The following MYLK4 variants were observed in gnomAD, a reference collection of about 807,000 sequenced individuals.
The protein encoded by MYLK4 is caMLCK like.
In MYLK4, 46 loss-of-function variants were observed where a neutral mutation model predicts 48.1. The observed-to-expected ratio is 0.96, with a 90% confidence interval of 0.75 to 1.22. The LOEUF is 1.22. MYLK4 is among the 50% of genes most tolerant of loss of function. The probability of loss-of-function intolerance (pLI) is 0.00; values close to 1 mark genes in which losing one functional copy is unlikely to be tolerated. For synonymous variants in MYLK4, 170 were observed against 180.8 expected (o/e 0.94, Z 0.48); for missense variants, 451 against 486.1 (o/e 0.93, Z 0.68).
At chr6:2,678,162 AG>A in intron 10 of MYLK4, 57 bp downstream of exon 10, 1 of 1,578,502 alleles carries the variant, frequency 6.3e-7, no homozygotes, top group Non-Finnish European at 8.6e-7. Context: ...CCCTGGTGGT[AG>A]GCCCTGCTTC....
At position 2,675,036 on chromosome 6, in the gene MYLK4, G is replaced by A. The variant is rs1488257930; in HGVS notation, c.1119+11C>T. 23 of 1,606,176 alleles carry A rather than the reference G, an allele frequency of 1.4e-5. No individual in the cohort carries two copies. Among genetic ancestry groups the A allele is most frequent in the Non-Finnish European group, 1.9e-5 (22 of 1,172,802 alleles). ...AGGAGAAAAAGAGGAAGAGCAAGAAGCCGTGGTCACCTGGGCATTGAGTCT... is the reference window on the plus strand; with the variant it reads ...AGGAGAAAAAGAGGAAGAGCAAGAAACCGTGGTCACCTGGGCATTGAGTCT... On this transcript the variant is annotated intron_variant, in intron 11 of 12. Coordinates refer to ENST00000274643, the MANE Select transcript of MYLK4 (RefSeq NM_001012418.5).
In MYLK4 at chr6:2,686,714, G is replaced by T. The variant is rs574179118; in HGVS notation, c.342-1138C>A. On this transcript the variant is annotated intron_variant, in intron 4 of 12. Transcript: ENST00000274643. ...GGCCGCTGCATCCTACTGTGGGGCT[G>T]CACACCCAGCACAGAGGCAGATGAA... Among the ~76,000 whole-genome samples, 272 of 152,316 alleles carry T rather than the reference G, an allele frequency of 1.8e-3. 1 individual carries two copies. The highest frequency in any genetic ancestry group is 3.1e-3 in the Non-Finnish European group (211 of 68,032).
intron 2 of MYLK4, among the ~76,000 whole-genome samples, chr6:2,738,523 T>C (rs1002597341): frequency 1.3e-5 from 2 of 152,238 alleles, no homozygotes; most frequent in Admixed American, 1.3e-4. Flanking sequence ...AGGATTAGCT[T>C]AAAATGCTGG....
At position 2,667,364 on chromosome 6, in the gene MYLK4, T is replaced by G. The variant is rs935923091; in HGVS notation, c.*561A>C. The G allele has an allele frequency of 1.3e-5, 2 of 152,180 alleles. No homozygotes were observed. The highest frequency in any genetic ancestry group is 2.4e-5 in the African/African-American group (1 of 41,442). 9.4% of individuals were successfully genotyped at this position (152,180 alleles called of 1,614,324 possible). A position where few individuals can be genotyped will look rare whatever the true frequency, so the allele number is the denominator to read the frequency against. On this transcript the variant is annotated 3_prime_UTR_variant, in exon 13 of 13. Transcript: ENST00000274643. The stretch of plus-strand genomic sequence containing the variant: ...TCTGTTCCAGCAAACAAATTATTTA[T>G]CCATTGTAGTCACGTGACCACAGAC...
chr6:2,766,102 G>A, the MYLK4 span: 3 of 1,316,872 alleles, frequency 2.3e-6, no homozygotes, highest in Non-Finnish European at 2.9e-6. Context: ...GGGACGAGGC[G>A]GAGGCGCAGG....
chr6:2,746,598 C>T (rs540261368), intron 2 of MYLK4, among the ~76,000 whole-genome samples: 27 of 152,348 alleles, frequency 1.8e-4, no homozygotes, highest in African/African-American at 6.0e-4. Context: ...CAGAACAAAG[C>T]TTTCATGTCA....
chr6:2,685,788 C>T lies in MYLK4; in HGVS notation c.342-212G>A, dbSNP rs867482079. 2.0e-5 allele frequency among the ~76,000 whole-genome samples: 3 copies of T among 152,002 alleles called. No individual in the cohort carries two copies. Among genetic ancestry groups the T allele is most frequent in the Middle Eastern group, 3.2e-3 (1 of 316 alleles). On this transcript the variant is annotated intron_variant, in intron 4 of 12. Transcript: ENST00000274643. This position sits in a 1 kb window ranked among gnomAD's most constrained non-coding sequence, Gnocchi z 4.5. ...TGGGAGCTGTTAAGAAAGCAGGTCT[C>T]GGCCGGGCACGGTGGCTCACACCTG...
At chr6:2,722,286 G>A (rs1391059227) in intron 2 of MYLK4, among the ~76,000 whole-genome samples, 3 of 152,172 alleles carry the variant, frequency 2.0e-5, no homozygotes, top group Non-Finnish European at 4.4e-5. Context: ...AGTATGAGAT[G>A]CGTCTTTCAA....
the MYLK4 span, chr6:2,766,496 C>T: frequency 9.0e-6 from 13 of 1,448,840 alleles, no homozygotes; most frequent in Middle Eastern, 3.6e-4. Flanking sequence ...GCGGTGGATG[C>T]AGCTGATGGT....
chr6:2,768,485 T>C, the MYLK4 span, among the ~76,000 whole-genome samples: 1 of 152,268 alleles, frequency 6.6e-6, no homozygotes, highest in South Asian at 2.1e-4. Flanking sequence ...AAGGTTTAGC[T>C]ACTTTCCTGT....
chr6:2,766,961 T>G, the MYLK4 span, among the ~76,000 whole-genome samples: 1 of 152,256 alleles, frequency 6.6e-6, no homozygotes, highest in South Asian at 2.1e-4. Context: ...ATAAGTTTAT[T>G]TAACATTCTT....
chr6:2,750,254 A>G (rs1764247745), intron 1 of MYLK4, among the ~76,000 whole-genome samples: 1 of 152,194 alleles, frequency 6.6e-6, no homozygotes. Flanking sequence ...TCATCAGAAA[A>G]CTTAATATTT....
intron 11 of MYLK4, among the ~76,000 whole-genome samples, chr6:2,674,646 G>C (rs937533174): frequency 6.6e-6 from 1 of 152,162 alleles, no homozygotes; most frequent in African/African-American, 2.4e-5. Flanking sequence ...GGCCAAGGTG[G>C]GTGGATCACG....
At chr6:2,677,954 A>G (rs1015643126) in intron 10 of MYLK4, among the ~76,000 whole-genome samples, 3 of 152,226 alleles carry the variant, frequency 2.0e-5, no homozygotes, top group Admixed American at 2.0e-4. Context: ...CCATTTTGAC[A>G]GTGAGTCAAC....
At chr6:2,726,241 G>A (rs17135638) in intron 2 of MYLK4, among the ~76,000 whole-genome samples, 6,270 of 152,058 alleles carry the variant, frequency 0.041, 276 homozygotes, top group East Asian at 0.27. Flanking sequence ...CAGCAAAATC[G>A]CAAAAAAGGA....
intron 3 of MYLK4, 116 bp from the exon 4 acceptor site, chr6:2,689,072 A>T: frequency 2.7e-6 from 2 of 746,868 alleles, no homozygotes; most frequent in South Asian, 3.2e-5. Flanking sequence ...ACAAGGAGCC[A>T]TCTGTTTGAT....
intron 7 of MYLK4, 30 bp from the exon 8 acceptor site, chr6:2,680,321 GA>G (rs757493280): frequency 1.2e-6 from 2 of 1,612,814 alleles, no homozygotes; most frequent in Non-Finnish European, 8.5e-7. Flanking sequence ...CATTAGCAAT[GA>G]AAACAACCAT....
chr6:2,701,387 G>C (rs535027109), intron 2 of MYLK4, among the ~76,000 whole-genome samples: 44 of 152,246 alleles, frequency 2.9e-4, no homozygotes, highest in Admixed American at 1.8e-3. Flanking sequence ...GGCTCAGAGG[G>C]GCTTGGTGTT....
At chr6:2,724,444 AG>A (rs1390881284) in intron 2 of MYLK4, among the ~76,000 whole-genome samples, 1 of 152,182 alleles carries the variant, frequency 6.6e-6, no homozygotes, top group Admixed American at 6.5e-5. Flanking sequence ...TCACTAACGC[AG>A]GGGGAAAGGT....
Sources: gnomAD v4.1 joint callset for allele counts (sites outside exome capture counted in the v4.1 genomes callset) on GRCh38, gnomAD v4.1.1 for gene constraint, Gnocchi (gnomAD v3.1) non-coding constraint, MANE v1.5 for transcripts, NCBI Gene and HGNC (gene_info 2026-07-23, HGNC 2026-07-21) for gene names.